The following BNC2 variants were observed in gnomAD, a reference collection of about 807,000 sequenced individuals.
BNC2 encodes zinc finger protein basonuclin-2.
Under a neutral mutation model 76.3 loss-of-function variants are expected in BNC2, and 20 were observed. That is an observed-to-expected ratio of 0.26 (90% CI 0.18 to 0.38). BNC2 has a LOEUF of 0.38. Among genes scored for constraint, BNC2 ranks in the 10% least tolerant of loss-of-function variants. The probability of loss-of-function intolerance (pLI) is 1.00; values close to 1 mark genes in which losing one functional copy is unlikely to be tolerated. For missense variants in BNC2, 1,382 were observed against 1,399.8 expected, an observed-to-expected ratio of 0.99 and a Z score of 0.20; for synonymous variants, 582 against 514.8, an observed-to-expected ratio of 1.13 and a Z score of -1.77.
chr9:16,613,667 A>C (rs1820616288), intron 3 of BNC2, among the ~76,000 whole-genome samples: 2 of 152,348 alleles, frequency 1.3e-5, no homozygotes, highest in South Asian at 4.1e-4. Flanking sequence ...GGAGCCTCTT[A>C]GACCTCTTAC....
At chr9:16,645,886 C>A (rs914926154) in intron 3 of BNC2, among the ~76,000 whole-genome samples, 5 of 152,146 alleles carry the variant, frequency 3.3e-5, no homozygotes, top group African/African-American at 1.2e-4. Flanking sequence ...AGGTCCAGAA[C>A]CATTCTGGGA....
At chr9:16,576,217 C>A (rs1217414502) in intron 4 of BNC2, among the ~76,000 whole-genome samples, 1 of 152,222 alleles carries the variant, frequency 6.6e-6, no homozygotes, top group African/African-American at 2.4e-5. Context: ...CAAGCCAGAG[C>A]TTGCTGGGAA....
chr9:16,416,073 C>G lies in BNC2; in HGVS notation c.*2916G>C, dbSNP rs1820578734. ...CAAGTAACAAACATTTGTTCTAAGC[C>G]TGGTGCATTTGCTGATGTGACTGCC... On this transcript the variant is annotated 3_prime_UTR_variant, in exon 7 of 7. Transcript: ENST00000380672. 1 of 152,148 alleles carries G rather than the reference C, an allele frequency of 6.6e-6. No individual in the cohort carries two copies. The highest frequency in any genetic ancestry group is 2.4e-5 in the African/African-American group (1 of 41,426). 9.4% of individuals were successfully genotyped at this position (152,148 alleles called of 1,614,324 possible).
intron 1 of BNC2, among the ~76,000 whole-genome samples, chr9:16,741,777 G>C (rs1824857497): frequency 6.6e-6 from 1 of 152,018 alleles, no homozygotes; most frequent in Non-Finnish European, 1.5e-5. Context: ...GGCCAACGTG[G>C]TGAAACCCCG....
chr9:16,423,634 T>C (rs79806165), intron 6 of BNC2, among the ~76,000 whole-genome samples: 5,049 of 152,220 alleles, frequency 0.033, 240 homozygotes, highest in African/African-American at 0.11. Flanking sequence ...TTTCCCAAAA[T>C]ACACTGTAGA....
rs192212414 is a variant in BNC2, at chr9:16,556,742, T to C, written c.434-3977A>G. On this transcript the variant is annotated intron_variant, in intron 4 of 6. Transcript: ENST00000380672. Reference sequence around the variant, plus strand: ...AAGATCATGCCACTGCACTCCAGCCTGGCGACAGAGCGAGACTCTAACTCA... The same window carrying C: ...AAGATCATGCCACTGCACTCCAGCCCGGCGACAGAGCGAGACTCTAACTCA... Among the ~76,000 whole-genome samples, 794 of 147,010 alleles carry C rather than the reference T, an allele frequency of 5.4e-3. 9 individuals are homozygous for C. The highest frequency in any genetic ancestry group is 0.02 in the African/African-American group (773 of 38,050).
intron 1 of BNC2, among the ~76,000 whole-genome samples, chr9:16,855,713 AT>A (rs796972202): frequency 4.3e-3 from 580 of 136,162 alleles, no homozygotes; most frequent in South Asian, 0.014. Flanking sequence ...GATTTCTTGT[AT>A]TTTTTTTTTT....
rs141285105 is a variant in BNC2 at position 16,535,580 on chromosome 9, T to C, written c.669+16950A>G. Among the ~76,000 whole-genome samples, 291 of 152,238 alleles carry C rather than the reference T, an allele frequency of 1.9e-3. 1 individual carries two copies. Among genetic ancestry groups the C allele is most frequent in the Admixed American group, 3.5e-3 (54 of 15,292 alleles). ...TCTTAAATGCCAGCCTTATGTCTGC[T>C]TGAACTACAGTGACAGCTTTCAAGC... On this transcript the variant is annotated intron_variant, in intron 5 of 6. Coordinates refer to ENST00000380672, the MANE Select transcript of BNC2 (RefSeq NM_017637.6).
In BNC2 at chr9:16,504,714, G is replaced by C. The variant is rs542787838; in HGVS notation, c.669+47816C>G. On this transcript the variant is annotated intron_variant, in intron 5 of 6. Transcript: ENST00000380672. ...ACTGTGGAACCAGCCAGGCACAGTAGGACATGCCTATAGTCCCAGCTACTG... is the reference window on the plus strand; with the variant it reads ...ACTGTGGAACCAGCCAGGCACAGTACGACATGCCTATAGTCCCAGCTACTG... 8.5e-5 allele frequency among the ~76,000 whole-genome samples: 13 copies of C among 152,308 alleles called. No homozygotes were observed. The South Asian group carries it at 2.7e-3, about 32-fold the overall frequency.
chr9:16,779,702 T>G (rs930943044), intron 1 of BNC2, among the ~76,000 whole-genome samples: 1 of 151,990 alleles, frequency 6.6e-6, no homozygotes. Context: ...GGATGAACCT[T>G]GAAAATATAA....
chr9:16,735,428 G>A (rs1824638940), intron 2 of BNC2, among the ~76,000 whole-genome samples: 1 of 151,660 alleles, frequency 6.6e-6, no homozygotes, highest in African/African-American at 2.4e-5. Flanking sequence ...CAGGCTGGGG[G>A]CGCACACAAC....
At chr9:16,658,475 CT>C (rs2134019311) in intron 3 of BNC2, among the ~76,000 whole-genome samples, 2 of 152,294 alleles carry the variant, frequency 1.3e-5, no homozygotes, top group South Asian at 4.1e-4. Context: ...TGGGTAAATG[CT>C]TGTTTTCACC....
intron 3 of BNC2, among the ~76,000 whole-genome samples, chr9:16,658,370 T>C (rs1399774902): frequency 2.6e-5 from 4 of 152,202 alleles, no homozygotes; most frequent in Non-Finnish European, 5.9e-5. Flanking sequence ...CAGCCCAGTA[T>C]ATTTTAGTCA....
chr9:16,754,750 G>A (rs1402275555), intron 1 of BNC2, among the ~76,000 whole-genome samples: 2 of 152,158 alleles, frequency 1.3e-5, no homozygotes, highest in East Asian at 3.9e-4. Context: ...TAGAGATGGG[G>A]TTTCACCATC....
chr9:16,508,117 T>C (rs1339348990), intron 5 of BNC2, among the ~76,000 whole-genome samples: 2 of 152,216 alleles, frequency 1.3e-5, no homozygotes, highest in Non-Finnish European at 2.9e-5. Context: ...AACAACAGCA[T>C]ATAAAGTTTA....
chr9:16,720,424 A>T (rs1474030465), intron 3 of BNC2, among the ~76,000 whole-genome samples: 4 of 152,332 alleles, frequency 2.6e-5, no homozygotes, highest in African/African-American at 9.6e-5. Context: ...GTCATTAAGT[A>T]AATTTCTGCC....
intron 5 of BNC2, among the ~76,000 whole-genome samples, chr9:16,482,061 G>A (rs1276231154): frequency 6.6e-6 from 1 of 152,074 alleles, no homozygotes; most frequent in Non-Finnish European, 1.5e-5. Context: ...ACTATATGTG[G>A]CACATGCTAA....
At chr9:16,840,405 A>C (rs566349384) in intron 1 of BNC2, among the ~76,000 whole-genome samples, 1 of 152,354 alleles carries the variant, frequency 6.6e-6, no homozygotes, top group African/African-American at 2.4e-5. Flanking sequence ...GAATGCCCAT[A>C]GTTAACATGG....
At chr9:16,836,408 G>T (rs541857335) in intron 1 of BNC2, among the ~76,000 whole-genome samples, 2 of 151,684 alleles carry the variant, frequency 1.3e-5, no homozygotes, top group South Asian at 4.2e-4. Flanking sequence ...AACATAAAGG[G>T]GTATATGAAA....
Sources: allele counts gnomAD v4.1 joint callset (sites outside exome capture counted in the v4.1 genomes callset), GRCh38; gene constraint gnomAD v4.1.1; transcripts MANE v1.5; gene names NCBI Gene and HGNC (gene_info 2026-07-23, HGNC 2026-07-21).